Variants in CAPZB observed in about 807,000 individuals in gnomAD.
CAPZB encodes F-actin-capping protein subunit beta.
A neutral mutation model predicts 38.1 loss-of-function variants in CAPZB; 2 were observed. That is an observed-to-expected ratio of 0.05 (90% CI 0.02 to 0.17). The LOEUF (loss-of-function observed/expected upper bound fraction) is 0.17, where lower values mean the gene tolerates loss of function less well. Ranked by LOEUF, CAPZB falls within the 10% of genes least tolerant of loss-of-function variation. CAPZB has a pLI of 1.00. For synonymous variants in CAPZB, 107 were observed against 127.4 expected (o/e 0.84, Z 1.08); for missense variants, 161 against 334.2 (o/e 0.48, Z 4.04).
At chr1:19,420,148 A>T (rs1157591547) in intron 1 of CAPZB, 3 of 161,108 alleles carry the variant, frequency 1.9e-5, no homozygotes, top group Non-Finnish European at 4.1e-5. Context: ...CTGGGTGTAA[A>T]CATCAGGTAA....
chr1:19,440,443 T>G (rs2094472104), intron 1 of CAPZB, among the ~76,000 whole-genome samples: 2 of 152,210 alleles, frequency 1.3e-5, no homozygotes, highest in Non-Finnish European at 2.9e-5. Context: ...GATTAAGCAT[T>G]TCCCCTGAAA....
intron 1 of CAPZB, among the ~76,000 whole-genome samples, chr1:19,432,157 T>C (rs1280672176): frequency 6.6e-6 from 1 of 152,118 alleles, no homozygotes; most frequent in Non-Finnish European, 1.5e-5. Flanking sequence ...TTATATATTG[T>C]CCAGACTGGG....
chr1:19,422,115 T>G (rs990709083), intron 1 of CAPZB, among the ~76,000 whole-genome samples: 1 of 152,218 alleles, frequency 6.6e-6, no homozygotes, highest in Non-Finnish European at 1.5e-5. Flanking sequence ...TATAAACTAG[T>G]ATTTCTCAAC....
At chr1:19,448,873 G>T (rs767190431) in intron 1 of CAPZB, 5 of 1,612,812 alleles carry the variant, frequency 3.1e-6, no homozygotes, top group Non-Finnish European at 4.2e-6. Context: ...GCTGGCCAAG[G>T]CCTGGGCGAG....
intron 1 of CAPZB, among the ~76,000 whole-genome samples, chr1:19,427,777 C>T (rs2100558854): frequency 6.6e-6 from 1 of 152,316 alleles, no homozygotes; most frequent in East Asian, 1.9e-4. Context: ...AATCCAATAC[C>T]CTCGCTGTCA....
At chr1:19,458,831 T>C (rs2094541442) in intron 1 of CAPZB, among the ~76,000 whole-genome samples, 1 of 152,244 alleles carries the variant, frequency 6.6e-6, no homozygotes, top group Non-Finnish European at 1.5e-5. Context: ...TTCTAAGGTG[T>C]GAAGCAACGG....
intron 2 of CAPZB, among the ~76,000 whole-genome samples, chr1:19,397,131 T>C (rs1206771365): frequency 1.3e-5 from 2 of 152,310 alleles, no homozygotes; most frequent in South Asian, 2.1e-4. Context: ...AAAAGATACA[T>C]AGTGAAACCA....
chr1:19,483,325 C>T (rs1166117885), intron 1 of CAPZB, among the ~76,000 whole-genome samples: 2 of 152,210 alleles, frequency 1.3e-5, no homozygotes, highest in Non-Finnish European at 2.9e-5. Flanking sequence ...CAGTTTAGAG[C>T]CTGCCAGATG....
chr1:19,464,161 T>G (rs567504177), intron 1 of CAPZB, among the ~76,000 whole-genome samples: 2 of 146,126 alleles, frequency 1.4e-5, no homozygotes, highest in Admixed American at 1.4e-4. Context: ...CACTCCAGCC[T>G]GGGCAACAGA....
At chr1:19,455,279 G>T (rs999137736) in intron 1 of CAPZB, among the ~76,000 whole-genome samples, 1 of 152,236 alleles carries the variant, frequency 6.6e-6, no homozygotes, top group Non-Finnish European at 1.5e-5. Context: ...TTAACAAAAC[G>T]ATTCCACATC....
rs530584062 is a variant in CAPZB at position 19,373,065 on chromosome 1, C to T, written c.329+5475G>A. ...GGCTGTTTGGGTAGTGACAGTTACT[C>T]TCCTAGGGAAAGTACTACTATGATC... On this transcript the variant is annotated intron_variant, in intron 4 of 8. Coordinates refer to ENST00000264202, the MANE Select transcript of CAPZB (RefSeq NM_004930.5). 4.6e-4 allele frequency among the ~76,000 whole-genome samples: 70 copies of T among 152,258 alleles called. 2 individuals carry two copies. In the South Asian group the frequency reaches 0.014, roughly 31 times the overall value.
rs765043545 is a variant in CAPZB, at chr1:19,357,686, C to T, written c.330-123G>A. Reference sequence around the variant, plus strand: ...CCCTCCCTGCGACAGTTATGGGAGCCGATCCTTGGGTGTGTTCTGATCGTT... The same window carrying T: ...CCCTCCCTGCGACAGTTATGGGAGCTGATCCTTGGGTGTGTTCTGATCGTT... On this transcript the variant is annotated intron_variant, in intron 4 of 8. Coordinates refer to ENST00000264202, the MANE Select transcript of CAPZB (RefSeq NM_004930.5). The surrounding 1 kb of genome is among the most constrained non-coding windows in gnomAD (Gnocchi z 4.3). 2.7e-5 allele frequency: 24 copies of T among 881,676 alleles called. No individual in the cohort carries two copies. The highest frequency in any genetic ancestry group is 2.9e-4 in the Middle Eastern group (1 of 3,394). The allele number at this position is 881,676 out of a possible 1,614,324, so 54.6% of individuals were successfully genotyped here. A position where few individuals can be genotyped will look rare whatever the true frequency, so the allele number is the denominator to read the frequency against.
At chr1:19,447,515 G>A (rs769054035) in intron 1 of CAPZB, among the ~76,000 whole-genome samples, 1 of 151,724 alleles carries the variant, frequency 6.6e-6, no homozygotes, top group Non-Finnish European at 1.5e-5. Context: ...GATTATAGGC[G>A]AGAGCCACTG....
At chr1:19,464,036 A>G (rs2100750695) in intron 1 of CAPZB, among the ~76,000 whole-genome samples, 1 of 150,614 alleles carries the variant, frequency 6.6e-6, no homozygotes, top group East Asian at 2.0e-4. Context: ...AAAAAAAAAA[A>G]ATTAGCTGGA....
At chr1:19,414,329 G>T (rs6662273) in intron 2 of CAPZB, among the ~76,000 whole-genome samples, 48,706 of 151,972 alleles carry the variant, frequency 0.32, 7,891 homozygotes, top group Middle Eastern at 0.4. Context: ...GGGCTGCTCT[G>T]GCTACTTAAA....
intron 4 of CAPZB, among the ~76,000 whole-genome samples, chr1:19,368,841 T>C (rs2094105213): frequency 6.6e-6 from 1 of 152,082 alleles, no homozygotes; most frequent in Non-Finnish European, 1.5e-5. Context: ...GCACCTATTC[T>C]TGATACTTGC....
chr1:19,456,006 G>A (rs992922342), intron 1 of CAPZB, among the ~76,000 whole-genome samples: 9 of 152,204 alleles, frequency 5.9e-5, no homozygotes, highest in African/African-American at 1.9e-4. Context: ...CTGCCTCCTG[G>A]GTTCAAGCGG....
chr1:19,468,199 G>A (rs1276298072), intron 1 of CAPZB, among the ~76,000 whole-genome samples: 2 of 152,142 alleles, frequency 1.3e-5, no homozygotes, highest in Non-Finnish European at 1.5e-5. Flanking sequence ...CAGTGCTGCT[G>A]GCAAGCTAAG....
chr1:19,411,603 C>T (rs2094357095), intron 2 of CAPZB, among the ~76,000 whole-genome samples: 1 of 152,208 alleles, frequency 6.6e-6, no homozygotes, highest in Admixed American at 6.5e-5. Context: ...CTCTTGCACT[C>T]CTCTCTTTCA....
Sources: allele counts gnomAD v4.1 joint callset (sites outside exome capture counted in the v4.1 genomes callset), GRCh38; gene constraint gnomAD v4.1.1; non-coding constraint Gnocchi (gnomAD v3.1); transcripts MANE v1.5; gene names NCBI Gene and HGNC (gene_info 2026-07-23, HGNC 2026-07-21).